RBFOX1: variants seen among roughly 807,000 people sequenced by gnomAD.
The protein encoded by RBFOX1 is RNA binding protein fox-1 homolog 1.
Under a neutral mutation model 57.7 loss-of-function variants are expected in RBFOX1, and 8 were observed. The observed-to-expected ratio is 0.14, with a 90% CI of 0.08 to 0.25. The LOEUF (loss-of-function observed/expected upper bound fraction) is 0.25. RBFOX1 is among the 10% of genes least tolerant of loss of function. The probability of loss-of-function intolerance (pLI) is 1.00; values close to 1 mark genes in which losing one functional copy is unlikely to be tolerated. For synonymous variants in RBFOX1, 326 were observed against 222.4 expected (o/e 1.47, Z -4.15); for missense variants, 611 against 548.5 (o/e 1.11, Z -1.14).
intron 1 of RBFOX1, among the ~76,000 whole-genome samples, chr16:6,203,980 C>CTTT (rs60829829): frequency 7.0e-4 from 96 of 137,698 alleles, no homozygotes; most frequent in East Asian, 1.3e-3. Context: ...TGTTTTGTTT[C>CTTT]TTTTTTTTTT....
chr16:6,891,980 C>A (rs773563646), intron 3 of RBFOX1, among the ~76,000 whole-genome samples: 5 of 152,136 alleles, frequency 3.3e-5, no homozygotes, highest in African/African-American at 1.2e-4. Flanking sequence ...GCATTTTGAT[C>A]CTGCTTACTG....
rs1330889730 is a variant in RBFOX1 at position 7,701,031 on chromosome 16, A to G, written c.996-8025A>G. Among the ~76,000 whole-genome samples the G allele has an allele frequency of 4.6e-5, 7 of 152,276 alleles. No homozygotes were observed. In the East Asian group the frequency reaches 1.4e-3, roughly 29 times the overall value. On this transcript the variant is annotated intron_variant, in intron 14 of 15. Coordinates refer to ENST00000550418, the MANE Select transcript of RBFOX1 (RefSeq NM_018723.4). Reference sequence around the variant, plus strand: ...TCTGTGGCTTCTCATGTAGGGTCTAAAAAGCTCAGATGTGTTCCCTCCTAC... The same window carrying G: ...TCTGTGGCTTCTCATGTAGGGTCTAGAAAGCTCAGATGTGTTCCCTCCTAC...
chr16:5,408,316 G>C (rs1474135997), intron 1 of RBFOX1, among the ~76,000 whole-genome samples: 2 of 152,230 alleles, frequency 1.3e-5, no homozygotes, highest in African/African-American at 4.8e-5. Context: ...TCCGCCACTG[G>C]ATTTCCCAAT....
intron 4 of RBFOX1, among the ~76,000 whole-genome samples, chr16:7,309,460 C>T (rs567399700): frequency 6.6e-6 from 1 of 152,334 alleles, no homozygotes; most frequent in African/African-American, 2.4e-5. Flanking sequence ...CCTGCTCTGC[C>T]TGCCATTTTG....
chr16:6,512,991 C>A (rs79283079), intron 2 of RBFOX1, among the ~76,000 whole-genome samples: 4 of 152,142 alleles, frequency 2.6e-5, no homozygotes, highest in Non-Finnish European at 4.4e-5. Flanking sequence ...AATTTTGTTA[C>A]GAATTCCTAC....
At chr16:6,850,042 G>A (rs1443083281) in intron 3 of RBFOX1, among the ~76,000 whole-genome samples, 1 of 152,188 alleles carries the variant, frequency 6.6e-6, no homozygotes, top group African/African-American at 2.4e-5. Flanking sequence ...AATACACCAT[G>A]TACTCCTTTG....
intron 3 of RBFOX1, among the ~76,000 whole-genome samples, chr16:6,870,823 T>A (rs1255694435): frequency 6.6e-6 from 1 of 152,344 alleles, no homozygotes; most frequent in Non-Finnish European, 1.5e-5. Flanking sequence ...CAGATTCTTA[T>A]GACTTCTTGT....
chr16:5,655,279 T>G (rs887253), intron 3 of RBFOX1, among the ~76,000 whole-genome samples: 23,633 of 152,194 alleles, frequency 0.16, 2,253 homozygotes, highest in South Asian at 0.27. Context: ...TTCTATGATT[T>G]TTTTTGAGTG....
At chr16:7,120,534 A>G (rs2066881071) in intron 4 of RBFOX1, among the ~76,000 whole-genome samples, 1 of 151,952 alleles carries the variant, frequency 6.6e-6, no homozygotes, top group Non-Finnish European at 1.5e-5. Context: ...AACAACTTAC[A>G]TGAAATAGAC....
At chr16:7,026,787 C>G (rs749365542) in intron 3 of RBFOX1, among the ~76,000 whole-genome samples, 1 of 152,192 alleles carries the variant, frequency 6.6e-6, no homozygotes, top group South Asian at 2.1e-4. Flanking sequence ...ACTATGCCAC[C>G]TTTAAATGAG....
At chr16:5,679,023 T>C (rs897001627) in intron 3 of RBFOX1, among the ~76,000 whole-genome samples, 1 of 152,180 alleles carries the variant, frequency 6.6e-6, no homozygotes, top group Non-Finnish European at 1.5e-5. Flanking sequence ...AATTGAACTG[T>C]TAGCTGAACT....
chr16:6,556,582 A>C (rs965052907), intron 2 of RBFOX1, among the ~76,000 whole-genome samples: 8 of 152,178 alleles, frequency 5.3e-5, no homozygotes, highest in African/African-American at 9.7e-5. Context: ...CATTCTTGTC[A>C]TTTTCCAGAT....
chr16:6,966,759 CTG>C (rs1327457071), intron 3 of RBFOX1, among the ~76,000 whole-genome samples: 65 of 67,740 alleles, frequency 9.6e-4, no homozygotes, highest in African/African-American at 4.6e-3. Context: ...ATCTGTCTGT[CTG>C]TCTATCTATC....
intron 2 of RBFOX1, among the ~76,000 whole-genome samples, chr16:6,540,649 GTC>G (rs1254746107): frequency 1.4e-5 from 2 of 145,882 alleles, no homozygotes; most frequent in Non-Finnish European, 3.0e-5. Context: ...CCTCAAGTCA[GTC>G]TCTGTACAGA....
chr16:6,064,237 A>C (rs2095728915), intron 1 of RBFOX1, among the ~76,000 whole-genome samples: 1 of 152,172 alleles, frequency 6.6e-6, no homozygotes, highest in African/African-American at 2.4e-5. Flanking sequence ...AAAAATCTGA[A>C]GCCCTAGGTT....
At chr16:6,204,362 T>A (rs1045365152) in intron 1 of RBFOX1, among the ~76,000 whole-genome samples, 4 of 152,220 alleles carry the variant, frequency 2.6e-5, no homozygotes, top group African/African-American at 9.6e-5. Flanking sequence ...GATGTATTAC[T>A]GAAAACATGA....
intron 2 of RBFOX1, among the ~76,000 whole-genome samples, chr16:6,570,091 C>T (rs921992660): frequency 2.6e-5 from 4 of 152,132 alleles, no homozygotes; most frequent in Non-Finnish European, 4.4e-5. Flanking sequence ...ATTGACAGTG[C>T]CGTTTAAATA....
intron 14 of RBFOX1, among the ~76,000 whole-genome samples, chr16:7,688,260 T>TGTGTGTGTGTGAGA (rs1319185243): frequency 8.0e-6 from 1 of 125,296 alleles, no homozygotes; most frequent in African/African-American, 3.0e-5. Context: ...TGTGTGTGTG[T>TGTGTGTGTGTGAGA]GAGAGAGAGA....
intron 2 of RBFOX1, among the ~76,000 whole-genome samples, chr16:6,388,742 A>T (rs987040833): frequency 6.6e-6 from 1 of 152,174 alleles, no homozygotes; most frequent in Non-Finnish European, 1.5e-5. Context: ...GCTGTTTCAA[A>T]AACAAAAACA....
Sources: allele counts gnomAD v4.1 joint callset (sites outside exome capture counted in the v4.1 genomes callset), GRCh38; gene constraint gnomAD v4.1.1; transcripts MANE v1.5; gene names NCBI Gene and HGNC (gene_info 2026-07-23, HGNC 2026-07-21).